The following TOP1 variants were observed in gnomAD, a reference collection of about 807,000 sequenced individuals.
The protein encoded by TOP1 is DNA topoisomerase I.
Under a neutral mutation model 111.1 loss-of-function variants are expected in TOP1, and 10 were observed. The observed-to-expected ratio is 0.09, with a 90% CI of 0.06 to 0.15. TOP1 has a LOEUF of 0.15. Ranked by LOEUF, TOP1 falls within the 10% of genes least tolerant of loss-of-function variation. The pLI is 1.00. For synonymous variants in TOP1, 271 were observed against 302.9 expected, an observed-to-expected ratio of 0.89 and a Z score of 1.10; for missense variants, 474 against 926.7, an observed-to-expected ratio of 0.51 and a Z score of 6.34.
At position 41,112,226 on chromosome 20, in the gene TOP1, G is replaced by A. The variant is rs964680199; in HGVS notation, c.1309-556G>A. Among the ~76,000 whole-genome samples the A allele has an allele frequency of 3.1e-4, 47 of 152,118 alleles. No homozygotes were observed. Among genetic ancestry groups the A allele is most frequent in the African/African-American group, 1.1e-3 (46 of 41,402 alleles). ...CAGCTCCACCACACTGTAATTTAAT[G>A]GAATTCACTTAGATTTAATGGAATT... On this transcript the variant is annotated intron_variant, in intron 13 of 20. Transcript: ENST00000361337. The surrounding 1 kb of genome is among the most constrained non-coding windows in gnomAD (Gnocchi z 5.8).
At position 41,095,503 on chromosome 20, in the gene TOP1, C is replaced by T. The variant is rs1000314568; in HGVS notation, c.731-1717C>T. On this transcript the variant is annotated intron_variant, in intron 9 of 20. Transcript: ENST00000361337. The surrounding 1 kb of genome is among the most constrained non-coding windows in gnomAD (Gnocchi z 4.6). ...AATCTTTTAATACACAGCCTATCTT[C>T]CCCGAAGTGTCTTTCTTCCAAAGCA... Among the ~76,000 whole-genome samples, 2 of 152,168 alleles carry T rather than the reference C, an allele frequency of 1.3e-5. No individual in the cohort carries two copies. The highest frequency in any genetic ancestry group is 4.8e-5 in the African/African-American group (2 of 41,426).
chr20:41,093,377 T>G (rs2033943235), intron 9 of TOP1, among the ~76,000 whole-genome samples: 1 of 152,164 alleles, frequency 6.6e-6, no homozygotes, highest in Non-Finnish European at 1.5e-5. Flanking sequence ...CTGAGCCCAT[T>G]TAACAGTTGT....
intron 8 of TOP1, among the ~76,000 whole-genome samples, chr20:41,087,819 C>G (rs541783956): frequency 1.3e-5 from 2 of 152,334 alleles, no homozygotes; most frequent in East Asian, 3.8e-4. Flanking sequence ...ATTTCTAGCA[C>G]TTTTCCACCT....
At chr20:41,042,173 G>A (rs904219265) in intron 2 of TOP1, among the ~76,000 whole-genome samples, 3 of 152,176 alleles carry the variant, frequency 2.0e-5, no homozygotes, top group African/African-American at 4.8e-5. Context: ...GCCTCCCAAA[G>A]TGCTTAGATT....
intron 14 of TOP1, 81 bp from the exon 15 acceptor site, chr20:41,113,889 A>C: frequency 1.7e-6 from 2 of 1,211,422 alleles, no homozygotes; most frequent in Non-Finnish European, 2.2e-6. Context: ...CAAAAAAAAA[A>C]AAAAAAAAAA....
chr20:41,069,491 G>A lies in TOP1; in HGVS notation c.156-6680G>A, dbSNP rs759928570. Among the ~76,000 whole-genome samples the A allele has an allele frequency of 8.5e-5, 13 of 152,182 alleles. No individual in the cohort carries two copies. Among genetic ancestry groups the A allele is most frequent in the South Asian group, 4.1e-4 (2 of 4,826 alleles). ...TTCTGTCATTTATAAGCTACGTGTC[G>A]TGATCCAAGGTGCTTAACTTCTCTG... On this transcript the variant is annotated intron_variant, in intron 3 of 20. Coordinates refer to ENST00000361337, the MANE Select transcript of TOP1 (RefSeq NM_003286.4). The surrounding 1 kb of genome is among the most constrained non-coding windows in gnomAD (Gnocchi z 4.1).
At chr20:41,057,638 A>G (rs2033490470) in intron 2 of TOP1, among the ~76,000 whole-genome samples, 1 of 152,240 alleles carries the variant, frequency 6.6e-6, no homozygotes, top group South Asian at 2.1e-4. Flanking sequence ...TTACTCATAA[A>G]TTGACTACCC....
intron 17 of TOP1, among the ~76,000 whole-genome samples, chr20:41,117,380 A>ATTTTTTTTTTT (rs1192075214): frequency 2.3e-5 from 2 of 85,530 alleles, no homozygotes; most frequent in East Asian, 4.0e-4. Context: ...CTGTGGCTTA[A>ATTTTTTTTTTT]TTTTTTTTTT....
In TOP1 at chr20:41,077,586, G is replaced by A. The variant is rs754130011; in HGVS notation, c.284G>A (p.Arg95Gln). The A allele has an allele frequency of 1.1e-5, 17 of 1,613,920 alleles. No individual in the cohort carries two copies. Among genetic ancestry groups the A allele is most frequent in the Admixed American group, 1.7e-5 (1 of 60,010 alleles). ...DKEKRKEEKV[R>Q]ASGDAKIKKE... ...TACTGTTGTTTTACTTTTCAGGTTC[G>A]AGCCTCTGGGGATGCAAAAATAAAG... The change falls in exon 5 of 21, where the codon CGA (arginine) becomes CAA (glutamine). Residue 95 changes from arginine (R) to glutamine (Q), a missense_variant. Transcript: ENST00000361337.
rs111594655 is a variant in TOP1 at position 41,042,011 on chromosome 20, C to T, written c.58+12556C>T. 7.2e-5 allele frequency among the ~76,000 whole-genome samples: 11 copies of T among 152,092 alleles called. No individual in the cohort carries two copies. In the East Asian group the frequency reaches 1.7e-3, roughly 24 times the overall value. ...GCAACCCCCACCTCCTGGGTTCAAG[C>T]GATTCTCCTGCCTCATCCTCCTGAG... On this transcript the variant is annotated intron_variant, in intron 2 of 20. Transcript: ENST00000361337.
rs2034016573 is a variant in TOP1, at chr20:41,098,729, T to C, written c.975+392T>C. The stretch of plus-strand genomic sequence containing the variant: ...TCTATTTTACTCTGGAATCTTGTGA[T>C]GCTCATCCATCTCCATCTTCCAGCC... On this transcript the variant is annotated intron_variant, in intron 11 of 20. Transcript: ENST00000361337. The surrounding 1 kb of genome is among the most constrained non-coding windows in gnomAD (Gnocchi z 5.7). 1 of 153,822 alleles carries C rather than the reference T, an allele frequency of 6.5e-6. No homozygotes were observed. Among genetic ancestry groups the C allele is most frequent in the Non-Finnish European group, 1.4e-5 (1 of 69,274 alleles). The allele number at this position is 153,822 out of a possible 1,614,324, so 9.5% of individuals were successfully genotyped here. A position where few individuals can be genotyped will look rare whatever the true frequency, so the allele number is the denominator to read the frequency against.
At chr20:41,093,864 C>A (rs534525201) in intron 9 of TOP1, among the ~76,000 whole-genome samples, 2 of 152,230 alleles carry the variant, frequency 1.3e-5, no homozygotes, top group African/African-American at 4.8e-5. Flanking sequence ...AAGTGCCAAA[C>A]TTGGCAAGCT....
At position 41,033,165 on chromosome 20, in the gene TOP1, CAAG is replaced by C. The variant is rs567957290; in HGVS notation, c.58+3713_58+3715del. The stretch of plus-strand genomic sequence containing the variant: ...TCGGATTGGATGTTTCTAGTAAAAA[CAAG>C]AAAATCCAGGCATCACTAAAAGAAT... On this transcript the variant is annotated intron_variant, in intron 2 of 20. Coordinates refer to ENST00000361337, the MANE Select transcript of TOP1 (RefSeq NM_003286.4). Among the ~76,000 whole-genome samples, 221 of 152,082 alleles carry C rather than the reference CAAG, an allele frequency of 1.5e-3. 1 individual carries two copies. The highest frequency in any genetic ancestry group is 5.0e-3 in the African/African-American group (209 of 41,480).
Position 41,097,389 on chromosome 20 carries a change from AG to A in TOP1, c.852+49del, listed in dbSNP as rs1351387145. 1 of 1,512,380 alleles carries A rather than the reference AG, an allele frequency of 6.6e-7. No homozygotes were observed. Among genetic ancestry groups the A allele is most frequent in the Non-Finnish European group, 8.9e-7 (1 of 1,123,438 alleles). The allele number at this position is 1,512,380 out of a possible 1,614,324, so 93.7% of individuals were successfully genotyped here. A position where few individuals can be genotyped will look rare whatever the true frequency, so the allele number is the denominator to read the frequency against. On this transcript the variant is annotated intron_variant, in intron 10 of 20. Coordinates refer to ENST00000361337, the MANE Select transcript of TOP1 (RefSeq NM_003286.4). The surrounding 1 kb of genome is among the most constrained non-coding windows in gnomAD (Gnocchi z 4.2). ...ATCCTAGTACCTTGCAAAACAATCA[AG>A]TACTAAGTAATAAATTATCATTTTG...
chr20:41,029,109 C>T lies in TOP1; in HGVS notation c.33+9C>T, dbSNP rs759893298. 2.7e-6 allele frequency: 4 copies of T among 1,502,810 alleles called. No individual in the cohort carries two copies. The highest frequency in any genetic ancestry group is 2.5e-5 in the South Asian group (2 of 80,384). 93.1% of individuals were successfully genotyped at this position (1,502,810 alleles called of 1,614,324 possible). ...TCCACAACGATTCCCAGGTACGGCC[C>T]GGCCTGACCCTGGCGGCCCCGGACC... On this transcript the variant is annotated intron_variant, in intron 1 of 20. Coordinates refer to ENST00000361337, the MANE Select transcript of TOP1 (RefSeq NM_003286.4). This position sits in a 1 kb window ranked among gnomAD's most constrained non-coding sequence, Gnocchi z 6.1.
chr20:41,042,335 G>A (rs1477792279), intron 2 of TOP1, among the ~76,000 whole-genome samples: 2 of 152,240 alleles, frequency 1.3e-5, no homozygotes, highest in Non-Finnish European at 2.9e-5. Flanking sequence ...AGCAGATATA[G>A]TTAACTGCCT....
rs1322978897 is a variant in TOP1 at position 41,121,767 on chromosome 20, CATGAAGGATGCAAAG to C, written c.2024_2038del (p.Met675_Lys679del). 1 of 1,614,140 alleles carries C rather than the reference CATGAAGGATGCAAAG, an allele frequency of 6.2e-7. No homozygotes were observed. The highest frequency in any genetic ancestry group is 1.1e-5 in the South Asian group (1 of 91,060). On this transcript the variant is annotated inframe_deletion, in exon 19 of 21. Coordinates refer to ENST00000361337, the MANE Select transcript of TOP1 (RefSeq NM_003286.4). This position sits in a 1 kb window ranked among gnomAD's most constrained non-coding sequence, Gnocchi z 4.2. ...AAAGTGCTAAGGCTGATGCCAAGGT[CATGAAGGATGCAAAG>C]ACGAAGAAGTATGTACCTGGTATTG...
intron 13 of TOP1, among the ~76,000 whole-genome samples, chr20:41,107,322 T>A (rs1257652771): frequency 6.6e-6 from 1 of 152,236 alleles, no homozygotes; most frequent in East Asian, 1.9e-4. Flanking sequence ...ACTTCTTTTT[T>A]AGAGTCCTAT....
At position 41,029,499 on chromosome 20, in the gene TOP1, G is replaced by T; in HGVS notation, c.58+44G>T. 6.6e-7 allele frequency: 1 copy of T among 1,517,340 alleles called. No individual in the cohort carries two copies. The highest frequency in any genetic ancestry group is 8.9e-7 in the Non-Finnish European group (1 of 1,120,810). 94.0% of individuals were successfully genotyped at this position (1,517,340 alleles called of 1,614,324 possible). On this transcript the variant is annotated intron_variant, in intron 2 of 20. Transcript: ENST00000361337. This position sits in a 1 kb window ranked among gnomAD's most constrained non-coding sequence, Gnocchi z 6.1. ...CCGACTCCGGGGCCCCCCAGCCGCC[G>T]GCCGCCTCCCCCGCGCCCTGCCGGT...
Sources: allele counts gnomAD v4.1 joint callset (sites outside exome capture counted in the v4.1 genomes callset), GRCh38; gene constraint gnomAD v4.1.1; non-coding constraint Gnocchi (gnomAD v3.1); transcripts MANE v1.5; gene names NCBI Gene and HGNC (gene_info 2026-07-23, HGNC 2026-07-21).